Variants in CCDC148 observed in about 807,000 individuals in gnomAD.
The protein encoded by CCDC148 is coiled-coil domain-containing protein 148.
Under a neutral mutation model 85.7 loss-of-function variants are expected in CCDC148, and 89 were observed. The observed-to-expected ratio is 1.04, with a 90% CI of 0.87 to 1.24. The LOEUF (loss-of-function observed/expected upper bound fraction) is 1.24. Among genes scored for constraint, CCDC148 ranks in the 50% most tolerant of loss-of-function variants. CCDC148 has a pLI of 0.00. For missense variants in CCDC148, 692 were observed against 671.7 expected (o/e 1.03, Z -0.33); for synonymous variants, 230 against 213.9 (o/e 1.08, Z -0.66).
At chr2:158,350,982 C>G (rs1253221439) in intron 2 of CCDC148, among the ~76,000 whole-genome samples, 2 of 152,126 alleles carry the variant, frequency 1.3e-5, no homozygotes, top group African/African-American at 4.8e-5. Context: ...AACACCAGAA[C>G]TGATTCCTCC....
At chr2:158,436,781 A>T (rs943610368) in intron 1 of CCDC148, among the ~76,000 whole-genome samples, 1 of 152,234 alleles carries the variant, frequency 6.6e-6, no homozygotes, top group African/African-American at 2.4e-5. Flanking sequence ...ACAATAAAAA[A>T]TGATAAAGGG....
rs1574783332 is a variant in CCDC148 at position 158,417,552 on chromosome 2, G to A, written c.25+38863C>T. Among the ~76,000 whole-genome samples, 3 of 152,308 alleles carry A rather than the reference G, an allele frequency of 2.0e-5. No individual in the cohort carries two copies. The Middle Eastern group carries it at 0.01, about 518-fold the overall frequency. ...GGGGACTCCACATCAGCTTGGATGA[G>A]ATTTTCTTAGAACTATACTGCAGTC... On this transcript the variant is annotated intron_variant, in intron 1 of 13. Transcript: ENST00000283233.
chr2:158,274,625 G>A (rs572174219), intron 9 of CCDC148, among the ~76,000 whole-genome samples: 45 of 152,176 alleles, frequency 3.0e-4, no homozygotes, highest in African/African-American at 6.3e-4. Flanking sequence ...GATTTCATTC[G>A]GGGAGAGTAA....
At chr2:158,238,401 C>T (rs1194856013) in intron 10 of CCDC148, among the ~76,000 whole-genome samples, 2 of 151,994 alleles carry the variant, frequency 1.3e-5, no homozygotes, top group African/African-American at 4.8e-5. Flanking sequence ...TATTGGAAAC[C>T]TGTGGAAATT....
At chr2:158,302,254 T>G (rs1691478563) in intron 9 of CCDC148, among the ~76,000 whole-genome samples, 1 of 152,138 alleles carries the variant, frequency 6.6e-6, no homozygotes. Context: ...GACTGAATTT[T>G]CTTGCTAAAG....
intron 11 of CCDC148, among the ~76,000 whole-genome samples, chr2:158,183,787 T>C (rs13398377): frequency 0.32 from 48,339 of 152,048 alleles, 7,964 homozygotes; most frequent in Non-Finnish European, 0.34. Context: ...AGGCATGTGC[T>C]GGAGGTGCTA....
chr2:158,253,332 G>A (rs894312133), intron 9 of CCDC148, among the ~76,000 whole-genome samples: 2 of 151,482 alleles, frequency 1.3e-5, no homozygotes, highest in Non-Finnish European at 3.0e-5. Flanking sequence ...TCTAAGTAGC[G>A]TTCCTCCTCT....
At chr2:158,422,437 A>C (rs374731694) in intron 1 of CCDC148, among the ~76,000 whole-genome samples, 4 of 152,230 alleles carry the variant, frequency 2.6e-5, no homozygotes, top group South Asian at 4.1e-4. Context: ...AACATATGCC[A>C]ATCAATAAAT....
intron 1 of CCDC148, among the ~76,000 whole-genome samples, chr2:158,373,246 T>C (rs997933780): frequency 1.3e-5 from 2 of 151,838 alleles, no homozygotes; most frequent in Non-Finnish European, 2.9e-5. Context: ...CTCTAGATGC[T>C]AGAAAAGGAA....
At chr2:158,251,483 C>T (rs1369799888) in intron 9 of CCDC148, among the ~76,000 whole-genome samples, 1 of 151,588 alleles carries the variant, frequency 6.6e-6, no homozygotes, top group Non-Finnish European at 1.5e-5. Flanking sequence ...ATATGCGTCA[C>T]AATATAAAAA....
intron 7 of CCDC148, among the ~76,000 whole-genome samples, chr2:158,322,498 A>C (rs1320191679): frequency 6.6e-6 from 1 of 152,072 alleles, no homozygotes; most frequent in East Asian, 1.9e-4. Context: ...TGAAATATAT[A>C]AAATGTTACC....
intron 1 of CCDC148, among the ~76,000 whole-genome samples, chr2:158,452,214 G>A (rs983797487): frequency 2.0e-5 from 3 of 152,152 alleles, no homozygotes; most frequent in African/African-American, 7.2e-5. Flanking sequence ...AAGTGATTAA[G>A]TGTGAAGAGG....
chr2:158,235,450 T>C (rs966607169), intron 10 of CCDC148, among the ~76,000 whole-genome samples: 1 of 152,194 alleles, frequency 6.6e-6, no homozygotes, highest in African/African-American at 2.4e-5. Context: ...TGGTACAATC[T>C]CATAAGAAGA....
chr2:158,289,830 G>A (rs766844491), intron 9 of CCDC148, among the ~76,000 whole-genome samples: 1 of 152,202 alleles, frequency 6.6e-6, no homozygotes, highest in South Asian at 2.1e-4. Context: ...ACAGCAAAAC[G>A]GATCAATAAA....
At chr2:158,438,475 C>A (rs1687774290) in intron 1 of CCDC148, among the ~76,000 whole-genome samples, 1 of 152,154 alleles carries the variant, frequency 6.6e-6, no homozygotes, top group Non-Finnish European at 1.5e-5. Flanking sequence ...AAAATTAATT[C>A]AAGATGGATT....
intron 1 of CCDC148, among the ~76,000 whole-genome samples, chr2:158,360,689 A>G (rs181136504): frequency 9.6e-4 from 146 of 152,282 alleles, no homozygotes; most frequent in Non-Finnish European, 3.8e-4. Context: ...ATCAAAGACC[A>G]AAGATAGATA....
At position 158,358,191 on chromosome 2, in the gene CCDC148, T is replaced by C. The variant is rs139129899; in HGVS notation, c.147+258A>G. ...TTGTTGAAAGCCAATAAAATAACTG[T>C]CTTTAAAAAAATAAAGTTGAATTCA... On this transcript the variant is annotated intron_variant, in intron 2 of 13. Transcript: ENST00000283233. Among the ~76,000 whole-genome samples the C allele has an allele frequency of 3.5e-3, 533 of 152,258 alleles. 3 individuals carry two copies. Among genetic ancestry groups the C allele is most frequent in the African/African-American group, 0.012 (505 of 41,544 alleles).
At chr2:158,393,603 C>G (rs975362272) in intron 1 of CCDC148, among the ~76,000 whole-genome samples, 1 of 152,112 alleles carries the variant, frequency 6.6e-6, no homozygotes, top group African/African-American at 2.4e-5. Context: ...GACTCAGATA[C>G]AGACAGAGAA....
chr2:158,365,871 G>T (rs943695882), intron 1 of CCDC148: 3 of 604,684 alleles, frequency 5.0e-6, no homozygotes, highest in Admixed American at 6.4e-5. Flanking sequence ...CCATTGTAAA[G>T]AACTGGCCGG....
Sources: gnomAD v4.1 joint callset for allele counts (sites outside exome capture counted in the v4.1 genomes callset) on GRCh38, gnomAD v4.1.1 for gene constraint, MANE v1.5 for transcripts, NCBI Gene and HGNC (gene_info 2026-07-23, HGNC 2026-07-21) for gene names.